PEX5: variants seen among roughly 807,000 people sequenced by gnomAD.
The protein encoded by PEX5 is peroxisomal biogenesis factor 5.
Under a neutral mutation model 82.9 loss-of-function variants are expected in PEX5, and 52 were observed. The ratio of observed to expected loss-of-function variants is 0.63; its 90% CI spans 0.50 to 0.79. PEX5 has a LOEUF of 0.79. Among genes scored for constraint, PEX5 ranks in the 30% least tolerant of loss-of-function variants. The pLI, the probability that PEX5 is intolerant of heterozygous loss-of-function variation, is 0.00. For synonymous variants in PEX5, 300 were observed against 318.8 expected (o/e 0.94, Z 0.63); for missense variants, 719 against 815.2 (o/e 0.88, Z 1.44).
rs1297100815 is a variant in PEX5, at chr12:7,202,557, G to A, written c.754-55G>A. 1.9e-5 allele frequency: 28 copies of A among 1,501,232 alleles called. No homozygotes were observed. The South Asian group carries it at 1.9e-4, about 10-fold the overall frequency. 93.0% of individuals were successfully genotyped at this position (1,501,232 alleles called of 1,614,324 possible). A position where few individuals can be genotyped will look rare whatever the true frequency, so the allele number is the denominator to read the frequency against. Reference sequence around the variant, plus strand: ...GGTGGTTAGTGGGTATTTAGTGTGCGTCTGATGGATAGAAAGTTGGTGGTA... The same window carrying A: ...GGTGGTTAGTGGGTATTTAGTGTGCATCTGATGGATAGAAAGTTGGTGGTA... On this transcript the variant is annotated intron_variant, in intron 8 of 15. Coordinates refer to ENST00000675855, the MANE Select transcript of PEX5 (RefSeq NM_001351132.2).
chr12:7,191,207 A>G lies in PEX5; in HGVS notation c.184-19A>G. 1 of 1,614,030 alleles carries G rather than the reference A, an allele frequency of 6.2e-7. No individual in the cohort carries two copies. The highest frequency in any genetic ancestry group is 8.5e-7 in the Non-Finnish European group (1 of 1,180,006). ...CCTCCCAAGCCTATGGGTTCATTTCATCATTTCCCTTCTGGCAGTTGGTGG... is the reference window on the plus strand; with the variant it reads ...CCTCCCAAGCCTATGGGTTCATTTCGTCATTTCCCTTCTGGCAGTTGGTGG... On this transcript the variant is annotated intron_variant, in intron 3 of 15. Transcript: ENST00000675855.
rs147730752 is a variant in PEX5 at position 7,191,237 on chromosome 12, A to C, written c.195A>C (p.Glu65Asp). ...TTCCCTTCTGGCAGTTGGTGGCTGA[A>C]TTCCTGCAGGACCAGAATGCACCCC... ...GVASEDELVAEFLQDQNAPLV... is the reference protein window; with the variant it reads ...GVASEDELVADFLQDQNAPLV... Residue 65 changes from glutamate to aspartate, a missense_variant, in exon 4 of 16, where the codon GAA (glutamate) becomes GAC (aspartate). Coordinates refer to ENST00000675855, the MANE Select transcript of PEX5 (RefSeq NM_001351132.2). 1.2e-5 allele frequency: 19 copies of C among 1,614,014 alleles called. No individual in the cohort carries two copies. The African/African-American group carries it at 2.4e-4, about 20-fold the overall frequency.
rs776371289 is a variant in PEX5 at position 7,210,718 on chromosome 12, G to A, written c.*495G>A. ...AGGAGTTGGCCTGTTGGGTTGAATT[G>A]TTGATTTGGCTGAGCAGAGCTGAGT... On this transcript the variant is annotated 3_prime_UTR_variant, in exon 16 of 16. Coordinates refer to ENST00000675855, the MANE Select transcript of PEX5 (RefSeq NM_001351132.2). The A allele has an allele frequency of 2.0e-4, 49 of 246,694 alleles. No individual in the cohort carries two copies. The highest frequency in any genetic ancestry group is 2.8e-4 in the Non-Finnish European group (35 of 124,728). The allele number at this position is 246,694 out of a possible 1,614,324, so 15.3% of individuals were successfully genotyped here. A position where few individuals can be genotyped will look rare whatever the true frequency, so the allele number is the denominator to read the frequency against.
In PEX5 at chr12:7,202,239, A is replaced by T; in HGVS notation, c.643-2A>T. The stretch of plus-strand genomic sequence containing the variant: ...TGGCCTGTGTGTGTCTCTGTGCCCC[A>T]GTTCCTGAAATTCGTGCGGCAGATT... On this transcript the variant is annotated splice_acceptor_variant, in intron 7 of 15. Coordinates refer to ENST00000675855, the MANE Select transcript of PEX5 (RefSeq NM_001351132.2). LOFTEE classifies it high-confidence loss of function. The T allele has an allele frequency of 6.2e-7, 1 of 1,614,042 alleles. No individual in the cohort carries two copies. Among genetic ancestry groups the T allele is most frequent in the East Asian group, 2.2e-5 (1 of 44,856 alleles).
chr12:7,190,717 T>C (rs1023261961), intron 2 of PEX5, 171 bp from the exon 3 acceptor site: 1 of 1,367,346 alleles, frequency 7.3e-7, no homozygotes, highest in Non-Finnish European at 1.0e-6. Flanking sequence ...TTGCAAATCA[T>C]AGTAGTTACC....
At chr12:7,207,585 G>A in intron 10 of PEX5, 74 bp from the exon 11 acceptor site, 6 of 1,494,018 alleles carry the variant, frequency 4.0e-6, no homozygotes, top group Non-Finnish European at 5.6e-6. Flanking sequence ...TCTGCCTGCT[G>A]GTTGTCATCC....
downstream of PEX5, chr12:7,211,610 TAGAGCA>T (rs1945575905): frequency 6.6e-6 from 1 of 152,096 alleles, no homozygotes; most frequent in African/African-American, 2.4e-5. Flanking sequence ...CTAAAAATGA[TAGAGCA>T]CAGGAGACAG....
intron 6 of PEX5, among the ~76,000 whole-genome samples, chr12:7,200,521 T>C (rs1287101816): frequency 2.6e-5 from 4 of 152,110 alleles, no homozygotes; most frequent in Non-Finnish European, 5.9e-5. Context: ...CTCGGCACTT[T>C]GGGAGGCCAA....
At chr12:7,190,783 A>G in intron 2 of PEX5, 105 bp from the exon 3 acceptor site, 3 of 1,331,746 alleles carry the variant, frequency 2.3e-6, no homozygotes, top group Non-Finnish European at 3.3e-6. Flanking sequence ...AATAAATGCA[A>G]CCATTTTATA....
chr12:7,204,622 T>C (rs1310511972), intron 10 of PEX5, among the ~76,000 whole-genome samples: 3 of 152,244 alleles, frequency 2.0e-5, no homozygotes, highest in South Asian at 4.1e-4. Context: ...GAAGGAAATA[T>C]AGATAACACT....
At chr12:7,192,986 C>T (rs1941431974) in intron 5 of PEX5, among the ~76,000 whole-genome samples, 1 of 152,224 alleles carries the variant, frequency 6.6e-6, no homozygotes, top group Non-Finnish European at 1.5e-5. Context: ...TCTCTTTTAT[C>T]ACGTGTCTCT....
In PEX5 at chr12:7,209,691, G is replaced by A; in HGVS notation, c.1569G>A (p.Leu523=). 6.9e-7 allele frequency: 1 copy of A among 1,446,306 alleles called. No individual in the cohort carries two copies. The highest frequency in any genetic ancestry group is 9.2e-7 in the Non-Finnish European group (1 of 1,091,394). 89.6% of individuals were successfully genotyped at this position (1,446,306 alleles called of 1,614,324 possible). The change falls in exon 15 of 16, where the codon TTG becomes TTA. Residue 523 remains leucine, a synonymous_variant. Transcript: ENST00000675855. ...CTGCATCCCTATCCCAGGACTATTT[G>A]CTGTGGAATAAGCTAGGCGCCACCC... ...AALSVRPNDY[L]LWNKLGATLA...
downstream of PEX5, among the ~76,000 whole-genome samples, chr12:7,211,961 TTTTTTTTG>T (rs1459555522): frequency 7.2e-3 from 682 of 94,726 alleles, 7 homozygotes; most frequent in African/African-American, 0.024. Context: ...AAAAATTTTT[TTTTTTTTG>T]TTTTTTTTTT....
intron 5 of PEX5, among the ~76,000 whole-genome samples, chr12:7,197,414 G>GTAA (rs1942882765): frequency 1.7e-4 from 10 of 59,092 alleles, no homozygotes; most frequent in South Asian, 8.4e-4. Flanking sequence ...CATATACAAT[G>GTAA]TAATTATATG....
In PEX5 at chr12:7,190,868, T is replaced by C; in HGVS notation, c.148-20T>C. On this transcript the variant is annotated intron_variant, in intron 2 of 15. Transcript: ENST00000675855. Reference sequence around the variant, plus strand: ...TTTAGAGGAACTGCGTCATTGTACATCTCTGTCTTTCTCTCTTAGGCCTCC... The same window carrying C: ...TTTAGAGGAACTGCGTCATTGTACACCTCTGTCTTTCTCTCTTAGGCCTCC... 1 of 1,611,174 alleles carries C rather than the reference T, an allele frequency of 6.2e-7. No homozygotes were observed. Among genetic ancestry groups the C allele is most frequent in the Non-Finnish European group, 8.5e-7 (1 of 1,177,304 alleles).
chr12:7,205,181 T>G (rs889541900), intron 10 of PEX5, among the ~76,000 whole-genome samples: 2 of 152,212 alleles, frequency 1.3e-5, no homozygotes, highest in Non-Finnish European at 2.9e-5. Flanking sequence ...TTAAAAACTT[T>G]AAAAGTATGT....
chr12:7,202,582 A>G (rs372180773), intron 8 of PEX5, 30 bp from the exon 9 acceptor site: 3 of 1,582,016 alleles, frequency 1.9e-6, no homozygotes, highest in Non-Finnish European at 1.7e-6. Flanking sequence ...AGTTGGTGGT[A>G]GTGGTACTGA....
chr12:7,191,619 C>G lies in PEX5; in HGVS notation c.367C>G (p.Leu123Val), dbSNP rs1941143854. The change falls in exon 5 of 16, where the codon CTT (leucine) becomes GTT (valine). Residue 123 changes from leucine to valine, a missense_variant. Physicochemically the swap from Leu to Val is conservative, Grantham distance 32. Coordinates refer to ENST00000675855, the MANE Select transcript of PEX5 (RefSeq NM_001351132.2). ...ALSENWAQEFLAAGDAVDVTQ... is the reference protein window; with the variant it reads ...ALSENWAQEFVAAGDAVDVTQ... ...GTCTGAGAACTGGGCCCAGGAGTTTCTTGCAGCTGGAGATGCTGTGGATGT... is the reference window on the plus strand; with the variant it reads ...GTCTGAGAACTGGGCCCAGGAGTTTGTTGCAGCTGGAGATGCTGTGGATGT... 6.2e-7 allele frequency: 1 copy of G among 1,613,790 alleles called. No individual in the cohort carries two copies. Among genetic ancestry groups the G allele is most frequent in the Non-Finnish European group, 8.5e-7 (1 of 1,179,816 alleles).
At chr12:7,200,994 T>C (rs1943827210) in intron 6 of PEX5, among the ~76,000 whole-genome samples, 1 of 152,148 alleles carries the variant, frequency 6.6e-6, no homozygotes, top group African/African-American at 2.4e-5. Context: ...GGTTGAAATG[T>C]AGTCAAGGAC....
Sources: allele counts gnomAD v4.1 joint callset (sites outside exome capture counted in the v4.1 genomes callset), GRCh38; gene constraint gnomAD v4.1.1; transcripts MANE v1.5; gene names NCBI Gene and HGNC (gene_info 2026-07-23, HGNC 2026-07-21).